The following DYRK4 variants were observed in gnomAD, a reference collection of about 807,000 sequenced individuals.
The protein encoded by DYRK4 is dual specificity tyrosine-phosphorylation-regulated kinase 4.
DYRK4 carries 64 observed loss-of-function variants against 68.3 expected under a neutral mutation model. The observed-to-expected ratio is 0.94, with a 90% confidence interval of 0.77 to 1.15. DYRK4 has a LOEUF of 1.15. DYRK4 is among the 50% of genes most tolerant of loss of function. DYRK4 has a pLI of 0.00. For synonymous variants in DYRK4, 274 were observed against 289.9 expected (o/e 0.95, Z 0.56); for missense variants, 740 against 764.7 (o/e 0.97, Z 0.38).
intron 10 of DYRK4, 54 bp downstream of exon 10, chr12:4,599,842 C>T: frequency 6.7e-7 from 1 of 1,489,018 alleles, no homozygotes; most frequent in South Asian, 1.1e-5. Context: ...ATTTCTCTCC[C>T]TTCACATACA....
intron 9 of DYRK4, 104 bp downstream of exon 9, chr12:4,599,270 C>CTTTTGTTTTTT (rs375183364): frequency 6.5e-6 from 3 of 461,192 alleles, no homozygotes; most frequent in Admixed American, 4.8e-5. Context: ...TTGCCTTTGA[C>CTTTTGTTTTTT]TTTTTTTTTT....
chr12:4,579,779 G>A lies in DYRK4; in HGVS notation c.133-9158G>A, dbSNP rs544802980. 7.2e-5 allele frequency among the ~76,000 whole-genome samples: 11 copies of A among 152,280 alleles called. No individual in the cohort carries two copies. The South Asian group carries it at 2.3e-3, about 32-fold the overall frequency. On this transcript the variant is annotated intron_variant, in intron 2 of 14. Coordinates refer to ENST00000543431, the MANE Select transcript of DYRK4 (RefSeq NM_001394779.1). Reference sequence around the variant, plus strand: ...TTTCTGAATGTCTCTATTGTCAGCTGAATTCAGGCACTATCAGAATAAAAG... The same window carrying A: ...TTTCTGAATGTCTCTATTGTCAGCTAAATTCAGGCACTATCAGAATAAAAG...
At chr12:4,567,717 T>G (rs1944691434) in intron 1 of DYRK4, among the ~76,000 whole-genome samples, 2 of 152,214 alleles carry the variant, frequency 1.3e-5, no homozygotes, top group South Asian at 4.1e-4. Flanking sequence ...CCCCTTTGGT[T>G]GTCTAAACTG....
intron 8 of DYRK4, among the ~76,000 whole-genome samples, chr12:4,597,781 T>G (rs1218991210): frequency 6.6e-6 from 1 of 152,194 alleles, no homozygotes. Context: ...GGCTCATGCC[T>G]GTAATCCCAG....
At chr12:4,598,914 G>A (rs1945048541) in intron 8 of DYRK4, 114 bp from the exon 9 acceptor site, 13 of 1,247,854 alleles carry the variant, frequency 1.0e-5, no homozygotes, top group Non-Finnish European at 1.2e-5. Context: ...CTCCTGGCCT[G>A]AGGCTTGCCT....
intron 8 of DYRK4, 67 bp downstream of exon 8, chr12:4,596,796 C>A: frequency 1.3e-6 from 2 of 1,599,888 alleles, no homozygotes; most frequent in South Asian, 2.3e-5. Flanking sequence ...TTTTTGAGGT[C>A]AGAACACTAG....
At chr12:4,604,785 T>G in intron 10 of DYRK4, 129 bp from the exon 11 acceptor site, 1 of 1,163,786 alleles carries the variant, frequency 8.6e-7, no homozygotes, top group Middle Eastern at 2.7e-4. Context: ...GAGTTCTAAG[T>G]GCTGGCCAGC....
rs748103481 is a variant in DYRK4 at position 4,612,532 on chromosome 12, T to C, written c.1491-11T>C. On this transcript the variant is annotated splice_polypyrimidine_tract_variant and intron_variant, in intron 13 of 14. Transcript: ENST00000543431. ...AAACAATAACCCATGTGGGGCTTTGTTGGGGTGCAGATGGGAACCTTCTCT... is the reference window on the plus strand; with the variant it reads ...AAACAATAACCCATGTGGGGCTTTGCTGGGGTGCAGATGGGAACCTTCTCT... 4 of 1,611,304 alleles carry C rather than the reference T, an allele frequency of 2.5e-6. No homozygotes were observed. Among genetic ancestry groups the C allele is most frequent in the Non-Finnish European group, 3.4e-6 (4 of 1,178,274 alleles).
In DYRK4 at chr12:4,568,002, T is replaced by C; in HGVS notation, c.86T>C (p.Phe29Ser). ...KKPRKCDLTPFLVLKARKKQK... is the reference protein window; with the variant it reads ...KKPRKCDLTPSLVLKARKKQK... The stretch of plus-strand genomic sequence containing the variant: ...CCAAGGAAATGTGATTTGACTCCCT[T>C]CCTGGTTTTGAAAGCAAGAAAGAAA... The change falls in exon 2 of 15, where the codon TTC becomes TCC. Residue 29 changes from phenylalanine (F) to serine (S), a missense_variant. Phe to Ser is a radical substitution (Grantham distance 155, BLOSUM62 -2). Around this residue, in one of 3 missense-constraint regions of DYRK4, gnomAD observed 70 missense variants for 71.1 expected, o/e 0.98. Transcript: ENST00000543431. The C allele has an allele frequency of 6.5e-7, 1 of 1,536,118 alleles. No homozygotes were observed. Among genetic ancestry groups the C allele is most frequent in the Non-Finnish European group, 8.7e-7 (1 of 1,146,916 alleles).
At position 4,605,742 on chromosome 12, in the gene DYRK4, T is replaced by TG. The variant is rs1200018053; in HGVS notation, c.1299+656_1299+657insG. Among the ~76,000 whole-genome samples, 1,015 of 144,402 alleles carry TG rather than the reference T, an allele frequency of 7.0e-3. 14 individuals carry two copies. Among genetic ancestry groups the TG allele is most frequent in the African/African-American group, 0.026 (950 of 37,044 alleles). 94.7% of individuals were successfully genotyped at this position (144,402 alleles called of 152,430 possible). On this transcript the variant is annotated intron_variant, in intron 11 of 14. Coordinates refer to ENST00000543431, the MANE Select transcript of DYRK4 (RefSeq NM_001394779.1). ...GAATAGAGCTGGGTTTTTTTTTTTT[T>TG]TTTTTTTTTTTTTCCAAATTAATGC...
chr12:4,585,517 C>T (rs550654546), intron 2 of DYRK4, among the ~76,000 whole-genome samples: 3 of 152,292 alleles, frequency 2.0e-5, no homozygotes, highest in South Asian at 2.1e-4. Context: ...TCTCAGCAAA[C>T]TATCACAAGG....
chr12:4,609,251 TG>T (rs1385384129), intron 12 of DYRK4, among the ~76,000 whole-genome samples: 1 of 152,362 alleles, frequency 6.6e-6, no homozygotes, highest in Admixed American at 6.5e-5. Flanking sequence ...TCTTCGTCAG[TG>T]TTTTCCAAAC....
intron 2 of DYRK4, among the ~76,000 whole-genome samples, chr12:4,577,492 TTGTC>T (rs1174800053): frequency 2.0e-5 from 3 of 152,242 alleles, no homozygotes; most frequent in African/African-American, 7.2e-5. Flanking sequence ...ATTGAACTAT[TTGTC>T]TGTTCTTTCT....
chr12:4,577,791 C>CT (rs1944804081), intron 2 of DYRK4, among the ~76,000 whole-genome samples: 1 of 152,184 alleles, frequency 6.6e-6, no homozygotes, highest in South Asian at 2.1e-4. Flanking sequence ...TTTAGATCCT[C>CT]TTTGATTTCT....
Position 4,582,690 on chromosome 12 carries a change from G to C in DYRK4, c.133-6247G>C, listed in dbSNP as rs115990143. ...GGGTGAACGATGGGGACATGGACTGGATGACATGGCGGTGGGGTGGGTGAT... is the reference window on the plus strand; with the variant it reads ...GGGTGAACGATGGGGACATGGACTGCATGACATGGCGGTGGGGTGGGTGAT... On this transcript the variant is annotated intron_variant, in intron 2 of 14. Transcript: ENST00000543431. Among the ~76,000 whole-genome samples, 690 of 152,282 alleles carry C rather than the reference G, an allele frequency of 4.5e-3. 7 individuals carry two copies. Among genetic ancestry groups the C allele is most frequent in the African/African-American group, 0.016 (645 of 41,552 alleles).
chr12:4,612,760 G>T, intron 14 of DYRK4, 42 bp downstream of exon 14: 1 of 1,598,440 alleles, frequency 6.3e-7, no homozygotes, highest in African/African-American at 1.3e-5. Context: ...CACAGTCCGG[G>T]AATTAATATT....
intron 11 of DYRK4, among the ~76,000 whole-genome samples, chr12:4,606,171 G>A (rs1945147471): frequency 6.6e-6 from 1 of 152,094 alleles, no homozygotes; most frequent in Non-Finnish European, 1.5e-5. Flanking sequence ...AAGCCATCTT[G>A]TTTTGGAAAT....
At chr12:4,593,368 A>C (rs1375931375) in intron 6 of DYRK4, among the ~76,000 whole-genome samples, 1 of 152,224 alleles carries the variant, frequency 6.6e-6, no homozygotes, top group Non-Finnish European at 1.5e-5. Flanking sequence ...AAAATACTCT[A>C]CTAATGGAAG....
In DYRK4 at chr12:4,604,980, T is replaced by C. The variant is rs760188932; in HGVS notation, c.1193T>C (p.Val398Ala). Reference protein sequence around the residue: ...PEVILGHPYDVAIDMWSLGCI... With the variant: ...PEVILGHPYDAAIDMWSLGCI... ...GTGATCCTGGGCCACCCCTACGACGTGGCCATTGACATGTGGAGCCTGGGC... is the reference window on the plus strand; with the variant it reads ...GTGATCCTGGGCCACCCCTACGACGCGGCCATTGACATGTGGAGCCTGGGC... Residue 398 changes from valine to alanine, a missense_variant, in exon 11 of 15, where the codon GTG (valine) becomes GCG (alanine). Val to Ala is a moderately conservative substitution (Grantham distance 64). Around this residue, in one of 3 missense-constraint regions of DYRK4, gnomAD observed 614 missense variants for 603.7 expected, o/e 1.02. Coordinates refer to ENST00000543431, the MANE Select transcript of DYRK4 (RefSeq NM_001394779.1). 6.2e-7 allele frequency: 1 copy of C among 1,614,070 alleles called. No homozygotes were observed. Among genetic ancestry groups the C allele is most frequent in the Non-Finnish European group, 8.5e-7 (1 of 1,179,934 alleles).
Sources: allele counts gnomAD v4.1 joint callset (sites outside exome capture counted in the v4.1 genomes callset), GRCh38; gene constraint gnomAD v4.1.1; regional missense constraint gnomAD v4.1.1; transcripts MANE v1.5; gene names NCBI Gene and HGNC (gene_info 2026-07-23, HGNC 2026-07-21).